The following RNF168 variants were observed in gnomAD, a reference collection of about 807,000 sequenced individuals.
RNF168 encodes ring finger protein 168.
Under a neutral mutation model 34.9 loss-of-function variants are expected in RNF168, and 34 were observed. The ratio of observed to expected loss-of-function variants is 0.97; its 90% CI spans 0.74 to 1.30. The LOEUF (loss-of-function observed/expected upper bound fraction) is 1.30, where lower values mean the gene tolerates loss of function less well. Ranked by LOEUF, RNF168 falls within the 50% of genes most tolerant of loss-of-function variation. RNF168 has a pLI of 0.00. For synonymous variants in RNF168, 264 were observed against 254.7 expected, an observed-to-expected ratio of 1.04 and a Z score of -0.35; for missense variants, 725 against 682.5, an observed-to-expected ratio of 1.06 and a Z score of -0.69.
At chr3:196,501,869 C>T (rs1345355037) in intron 1 of RNF168, among the ~76,000 whole-genome samples, 1 of 152,006 alleles carries the variant, frequency 6.6e-6, no homozygotes, top group African/African-American at 2.4e-5. Flanking sequence ...GGGATTACAG[C>T]TGTGAGCCAT....
At position 196,503,244 on chromosome 3, in the gene RNF168, CAGAG is replaced by C; in HGVS notation, c.-75_-72del. 1.5e-6 allele frequency: 2 copies of C among 1,378,842 alleles called. No individual in the cohort carries two copies. The highest frequency in any genetic ancestry group is 1.4e-5 in the African/African-American group (1 of 70,418). 85.4% of individuals were successfully genotyped at this position (1,378,842 alleles called of 1,614,324 possible). Reference sequence around the variant, plus strand: ...AAAGAATCCTATTTTCGGCCAACCACAGAGAGAGCAAAAGCAGTTTTGTGTTTCA... The same window carrying C: ...AAAGAATCCTATTTTCGGCCAACCACAGAGCAAAAGCAGTTTTGTGTTTCA... On this transcript the variant is annotated 5_prime_UTR_variant, in exon 1 of 6. Transcript: ENST00000318037.
chr3:196,474,291 A>ATT (rs71694194), intron 5 of RNF168, among the ~76,000 whole-genome samples: 35 of 135,418 alleles, frequency 2.6e-4, no homozygotes, highest in African/African-American at 8.3e-4. Flanking sequence ...CACCTGGCTA[A>ATT]TTTTTTTTTT....
In RNF168 at chr3:196,503,024, G is replaced by C. The variant is rs141633648; in HGVS notation, c.150C>G (p.Cys50Trp). ...ATACCCGGCGGCGACAGAAGGGACAGCATAAACTCGCCTTTTCGACGGTCG... is the reference window on the plus strand; with the variant it reads ...ATACCCGGCGGCGACAGAAGGGACACCATAAACTCGCCTTTTCGACGGTCG... ...FQSTVEKASL[C>W]CPFCRRRVSS... Residue 50 changes from cysteine (C) to tryptophan (W), a missense_variant, in exon 1 of 6, where the codon TGC becomes TGG. Physicochemically the swap from Cys to Trp is radical, Grantham distance 215. Coordinates refer to ENST00000318037, the MANE Select transcript of RNF168 (RefSeq NM_152617.4). 1.4e-5 allele frequency: 23 copies of C among 1,614,146 alleles called. No homozygotes were observed. The African/African-American group carries it at 2.1e-4, about 15-fold the overall frequency.
At chr3:196,479,739 G>A (rs990379733) in intron 4 of RNF168, among the ~76,000 whole-genome samples, 1 of 151,624 alleles carries the variant, frequency 6.6e-6, no homozygotes, top group Non-Finnish European at 1.5e-5. Flanking sequence ...ACAGGCGTCC[G>A]CCACCACGCC....
intron 4 of RNF168, among the ~76,000 whole-genome samples, chr3:196,475,860 TTTTC>T (rs923846500): frequency 1.4e-5 from 2 of 147,416 alleles, no homozygotes; most frequent in Admixed American, 1.4e-4. Context: ...AAATATTTTT[TTTTC>T]TTTTCTTTTT....
chr3:196,487,690 T>A lies in RNF168; in HGVS notation c.379-112A>T, dbSNP rs536160137. The A allele has an allele frequency of 2.6e-5, 26 of 995,064 alleles. No homozygotes were observed. In the East Asian group the frequency reaches 5.9e-4, roughly 23 times the overall value. 61.6% of individuals were successfully genotyped at this position (995,064 alleles called of 1,614,324 possible). A position where few individuals can be genotyped will look rare whatever the true frequency, so the allele number is the denominator to read the frequency against. On this transcript the variant is annotated intron_variant, in intron 2 of 5. Coordinates refer to ENST00000318037, the MANE Select transcript of RNF168 (RefSeq NM_152617.4). ...AAGAACAAATTGGCAGAAATTTAAATGATCTCAAATGAAGTACAAATCTGG... is the reference window on the plus strand; with the variant it reads ...AAGAACAAATTGGCAGAAATTTAAAAGATCTCAAATGAAGTACAAATCTGG...
Position 196,483,844 on chromosome 3 carries a change from T to C in RNF168, c.606A>G (p.Arg202=), listed in dbSNP as rs769237525. 1 of 1,610,144 alleles carries C rather than the reference T, an allele frequency of 6.2e-7. No homozygotes were observed. Among genetic ancestry groups the C allele is most frequent in the East Asian group, 2.2e-5 (1 of 44,850 alleles). Residue 202 remains arginine, a synonymous_variant, in exon 4 of 6, where the codon AGA becomes AGG. Transcript: ENST00000318037. ...GSISASPLNS[R]KSDPVTPKSE... ...ACTTGGGTGTAACTGGATCAGATTT[T>C]CTGGAATTCAAGGGAGAAGCCGAGA...
At chr3:196,486,981 G>C (rs532396079) in intron 3 of RNF168, among the ~76,000 whole-genome samples, 2 of 152,180 alleles carry the variant, frequency 1.3e-5, no homozygotes, top group Non-Finnish European at 2.9e-5. Flanking sequence ...ACCGGAGCCC[G>C]GCCGTCGAGG....
At chr3:196,497,275 G>A (rs1577522820) in intron 1 of RNF168, among the ~76,000 whole-genome samples, 1 of 152,014 alleles carries the variant, frequency 6.6e-6, no homozygotes, top group East Asian at 1.9e-4. Flanking sequence ...TTCAACAAAA[G>A]GTACAGAAAT....
chr3:196,486,632 G>T (rs1192980493), intron 3 of RNF168, among the ~76,000 whole-genome samples: 1 of 152,194 alleles, frequency 6.6e-6, no homozygotes. Context: ...TCGCACCCTG[G>T]CAAGAAAAAA....
intron 4 of RNF168, among the ~76,000 whole-genome samples, chr3:196,477,190 T>C (rs947675906): frequency 6.6e-6 from 1 of 152,206 alleles, no homozygotes; most frequent in Non-Finnish European, 1.5e-5. Context: ...GTTTAAAAAT[T>C]GTAAAATATC....
intron 1 of RNF168, among the ~76,000 whole-genome samples, chr3:196,492,896 T>C (rs1030721965): frequency 5.9e-5 from 9 of 152,144 alleles, no homozygotes; most frequent in Admixed American, 3.3e-4. Flanking sequence ...TACCAAGTAG[T>C]GTGGCTATTA....
intron 1 of RNF168, among the ~76,000 whole-genome samples, chr3:196,492,584 T>C (rs946341143): frequency 6.6e-6 from 1 of 152,090 alleles, no homozygotes; most frequent in African/African-American, 2.4e-5. Context: ...AAAACCAGCC[T>C]GGCCAACAAG....
At chr3:196,491,577 C>T (rs752099714) in intron 1 of RNF168, among the ~76,000 whole-genome samples, 1 of 152,040 alleles carries the variant, frequency 6.6e-6, no homozygotes, top group East Asian at 1.9e-4. Context: ...ACCCGGGAGG[C>T]GGAGCTTGCA....
At chr3:196,492,762 A>C (rs1353070306) in intron 1 of RNF168, among the ~76,000 whole-genome samples, 5 of 151,994 alleles carry the variant, frequency 3.3e-5, no homozygotes, top group Non-Finnish European at 7.4e-5. Flanking sequence ...TGGGTGACAG[A>C]GAGAGACTCC....
chr3:196,500,438 G>A (rs113234053), intron 1 of RNF168, among the ~76,000 whole-genome samples: 14 of 152,300 alleles, frequency 9.2e-5, no homozygotes, highest in African/African-American at 2.6e-4. Flanking sequence ...ACTTACAGGA[G>A]GTACCTAGAA....
At chr3:196,495,946 ACTT>A (rs1732733404) in intron 1 of RNF168, among the ~76,000 whole-genome samples, 1 of 152,148 alleles carries the variant, frequency 6.6e-6, no homozygotes, top group South Asian at 2.1e-4. Context: ...ACTTTCAAAT[ACTT>A]CATTTTTTAA....
At chr3:196,497,005 G>A (rs1484452278) in intron 1 of RNF168, among the ~76,000 whole-genome samples, 1 of 152,100 alleles carries the variant, frequency 6.6e-6, no homozygotes, top group African/African-American at 2.4e-5. Flanking sequence ...AATTAGCCAG[G>A]CATGGTGGTA....
rs1158641462 is a variant in RNF168 at position 196,483,818 on chromosome 3, G to GATA, written c.631_632insTAT (p.Lys210_Ser211insLeu). The GATA allele has an allele frequency of 6.2e-7, 1 of 1,608,820 alleles. No homozygotes were observed. Among genetic ancestry groups the GATA allele is most frequent in the Non-Finnish European group, 8.5e-7 (1 of 1,175,332 alleles). ...TTGTTTGTTCTTACTTTTCTTTTCAGACTTGGGTGTAACTGGATCAGATTT... is the reference window on the plus strand; with the variant it reads ...TTGTTTGTTCTTACTTTTCTTTTCAGATAACTTGGGTGTAACTGGATCAGATTT... On this transcript the variant is annotated inframe_insertion, in exon 4 of 6. Coordinates refer to ENST00000318037, the MANE Select transcript of RNF168 (RefSeq NM_152617.4).
Sources: gnomAD v4.1 joint callset for allele counts (sites outside exome capture counted in the v4.1 genomes callset) on GRCh38, gnomAD v4.1.1 for gene constraint, MANE v1.5 for transcripts, NCBI Gene and HGNC (gene_info 2026-07-23, HGNC 2026-07-21) for gene names.